Variants in GPC5 observed in about 807,000 individuals in gnomAD.
The protein encoded by GPC5 is glypican 5.
Under a neutral mutation model 53.9 loss-of-function variants are expected in GPC5, and 47 were observed. The observed-to-expected ratio is 0.87, with a 90% confidence interval of 0.69 to 1.11. The LOEUF (loss-of-function observed/expected upper bound fraction) is 1.11, where lower values mean the gene tolerates loss of function less well. Among genes scored for constraint, GPC5 ranks in the 50% most tolerant of loss-of-function variants. The probability of loss-of-function intolerance (pLI) is 0.00; values close to 1 mark genes in which losing one functional copy is unlikely to be tolerated. For synonymous variants in GPC5, 286 were observed against 263.3 expected (o/e 1.09, Z -0.84); for missense variants, 748 against 713.1 (o/e 1.05, Z -0.56).
At chr13:92,439,992 C>T (rs976852696) in intron 7 of GPC5, among the ~76,000 whole-genome samples, 5 of 152,218 alleles carry the variant, frequency 3.3e-5, no homozygotes, top group Non-Finnish European at 7.4e-5. Context: ...GGCATACAAG[C>T]CTCCAGGAAT....
chr13:91,926,380 AAT>A (rs1555297423), intron 6 of GPC5, among the ~76,000 whole-genome samples: 2 of 151,512 alleles, frequency 1.3e-5, no homozygotes, highest in Non-Finnish European at 2.9e-5. Context: ...AAAAAAAAAA[AAT>A]CTATGCAAAG....
chr13:92,529,556 T>G (rs1203295740), intron 7 of GPC5, among the ~76,000 whole-genome samples: 2 of 152,170 alleles, frequency 1.3e-5, no homozygotes, highest in African/African-American at 4.8e-5. Flanking sequence ...TGGCTTAATC[T>G]AATATAGTAA....
chr13:91,465,946 C>T (rs1882211189), intron 2 of GPC5, among the ~76,000 whole-genome samples: 1 of 152,082 alleles, frequency 6.6e-6, no homozygotes, highest in Admixed American at 6.6e-5. Context: ...CCAAATCAAA[C>T]TTAAATTATG....
intron 2 of GPC5, among the ~76,000 whole-genome samples, chr13:91,466,109 G>A (rs768108470): frequency 7.9e-5 from 12 of 152,310 alleles, no homozygotes; most frequent in South Asian, 2.1e-4. Flanking sequence ...ATGGTGCCCA[G>A]TCAAGGAGCA....
chr13:91,727,780 G>T (rs1033639855), intron 3 of GPC5, among the ~76,000 whole-genome samples: 3 of 152,014 alleles, frequency 2.0e-5, no homozygotes, highest in Admixed American at 6.6e-5. Flanking sequence ...ATGCTTTTAC[G>T]TATTTCCAGT....
At chr13:91,903,398 C>T (rs1245115151) in intron 5 of GPC5, among the ~76,000 whole-genome samples, 1 of 151,790 alleles carries the variant, frequency 6.6e-6, no homozygotes, top group Non-Finnish European at 1.5e-5. Context: ...GGGTATATGC[C>T]CAAGGTCATA....
chr13:91,893,157 T>C (rs1295462074), intron 5 of GPC5, among the ~76,000 whole-genome samples: 3 of 152,036 alleles, frequency 2.0e-5, no homozygotes, highest in Non-Finnish European at 4.4e-5. Flanking sequence ...GATCATTCTG[T>C]TTCTAGGCAG....
At chr13:92,232,235 C>T (rs1276540377) in intron 7 of GPC5, among the ~76,000 whole-genome samples, 1 of 151,968 alleles carries the variant, frequency 6.6e-6, no homozygotes, top group African/African-American at 2.4e-5. Context: ...TCCATATTGT[C>T]CAATTTTACA....
intron 7 of GPC5, among the ~76,000 whole-genome samples, chr13:92,588,901 C>T (rs544889598): frequency 6.6e-6 from 1 of 152,162 alleles, no homozygotes. Context: ...ATGTAGAAGT[C>T]ATTTTATGTA....
intron 7 of GPC5, among the ~76,000 whole-genome samples, chr13:92,599,602 A>G (rs777769899): frequency 6.6e-6 from 1 of 152,218 alleles, no homozygotes; most frequent in Non-Finnish European, 1.5e-5. Context: ...ACCTGCTGAC[A>G]GAGCAGAACT....
intron 6 of GPC5, among the ~76,000 whole-genome samples, chr13:92,092,882 G>A (rs1301126135): frequency 6.6e-6 from 1 of 152,142 alleles, no homozygotes; most frequent in Admixed American, 6.5e-5. Context: ...AATACAAAGA[G>A]CAGAGAATAT....
At chr13:92,842,399 G>A (rs1245544399) in intron 7 of GPC5, among the ~76,000 whole-genome samples, 1 of 152,104 alleles carries the variant, frequency 6.6e-6, no homozygotes, top group Non-Finnish European at 1.5e-5. Flanking sequence ...TATTAGTTGG[G>A]TTTGTGTCAT....
intron 7 of GPC5, among the ~76,000 whole-genome samples, chr13:92,590,914 C>T (rs952452764): frequency 6.6e-6 from 1 of 152,146 alleles, no homozygotes; most frequent in Non-Finnish European, 1.5e-5. Context: ...TAGTCTCTTT[C>T]TAGGCATGTG....
rs371223177 is a variant in GPC5 at position 92,064,771 on chromosome 13, AAAC to A, written c.1402-80056_1402-80054del. ...GACTCCGTCTCAAAAAAAAAAAACA[AAAC>A]AAAACTCAGAGGCAACTGAGTTGCA... On this transcript the variant is annotated intron_variant, in intron 6 of 7. Coordinates refer to ENST00000377067, the MANE Select transcript of GPC5 (RefSeq NM_004466.6). Among the ~76,000 whole-genome samples the A allele has an allele frequency of 2.2e-3, 329 of 151,222 alleles. 3 individuals carry two copies. The highest frequency in any genetic ancestry group is 7.6e-3 in the African/African-American group (316 of 41,356).
chr13:92,007,888 C>T (rs1483364938), intron 6 of GPC5, among the ~76,000 whole-genome samples: 1 of 152,030 alleles, frequency 6.6e-6, no homozygotes, highest in Non-Finnish European at 1.5e-5. Flanking sequence ...ATGCCATGTA[C>T]ACCTTCACAT....
chr13:92,074,214 T>C (rs1356067562), intron 6 of GPC5, among the ~76,000 whole-genome samples: 2 of 152,072 alleles, frequency 1.3e-5, no homozygotes, highest in Non-Finnish European at 2.9e-5. Context: ...CTGCACGAAG[T>C]TGAGCTATGT....
At chr13:92,859,075 T>C (rs1392314732) in intron 7 of GPC5, among the ~76,000 whole-genome samples, 1 of 151,948 alleles carries the variant, frequency 6.6e-6, no homozygotes, top group Non-Finnish European at 1.5e-5. Flanking sequence ...CCCCCATCTC[T>C]ACAAAAAACT....
chr13:91,834,823 G>A (rs1179328143), intron 5 of GPC5, among the ~76,000 whole-genome samples: 1 of 152,120 alleles, frequency 6.6e-6, no homozygotes, highest in East Asian at 1.9e-4. Flanking sequence ...TACTATTCAG[G>A]AAATAGGTAT....
intron 7 of GPC5, among the ~76,000 whole-genome samples, chr13:92,858,057 G>C (rs1003940246): frequency 6.6e-6 from 1 of 152,142 alleles, no homozygotes; most frequent in Non-Finnish European, 1.5e-5. Context: ...CAAAGACCTA[G>C]AACCAACTTA....
Sources: allele counts gnomAD v4.1 joint callset (sites outside exome capture counted in the v4.1 genomes callset), GRCh38; gene constraint gnomAD v4.1.1; transcripts MANE v1.5; gene names NCBI Gene and HGNC (gene_info 2026-07-23, HGNC 2026-07-21).